The following GLI3 variants were observed in gnomAD, a reference collection of about 807,000 sequenced individuals.
The protein encoded by GLI3 is GLI family zinc finger 3.
Under a neutral mutation model 100.8 loss-of-function variants are expected in GLI3, and 20 were observed. The ratio of observed to expected loss-of-function variants is 0.20; its 90% CI spans 0.14 to 0.29. The LOEUF (loss-of-function observed/expected upper bound fraction) is 0.29. Ranked by LOEUF, GLI3 falls within the 10% of genes least tolerant of loss-of-function variation. GLI3 has a pLI of 1.00. For synonymous variants in GLI3, 938 were observed against 860.5 expected, an observed-to-expected ratio of 1.09 and a Z score of -1.58; for missense variants, 2,040 against 2,128.5, an observed-to-expected ratio of 0.96 and a Z score of 0.82.
rs115044000 is a variant in GLI3 at position 42,074,225 on chromosome 7, C to G, written c.473+2527G>C. Among the ~76,000 whole-genome samples, 462 of 152,334 alleles carry G rather than the reference C, an allele frequency of 3.0e-3. 5 individuals carry two copies. The highest frequency in any genetic ancestry group is 0.011 in the African/African-American group (438 of 41,578). On this transcript the variant is annotated intron_variant, in intron 4 of 14. Transcript: ENST00000395925. The stretch of plus-strand genomic sequence containing the variant: ...TCCCTGTGATCTGAAGAGGTGGGTA[C>G]AGCAGACAGCTTCATTTCCACGTTA...
intron 4 of GLI3, among the ~76,000 whole-genome samples, chr7:42,053,933 C>T (rs1307640033): frequency 6.6e-6 from 1 of 152,150 alleles, no homozygotes; most frequent in Admixed American, 6.5e-5. Context: ...GACTACAGGG[C>T]ACAGCTGGGA....
chr7:42,090,171 C>T (rs1785187643), intron 3 of GLI3, among the ~76,000 whole-genome samples: 1 of 152,098 alleles, frequency 6.6e-6, no homozygotes, highest in Non-Finnish European at 1.5e-5. Context: ...GAGCACTTAC[C>T]ATTAATGGAG....
At chr7:42,170,691 C>T (rs1787354887) in intron 2 of GLI3, among the ~76,000 whole-genome samples, 1 of 152,108 alleles carries the variant, frequency 6.6e-6, no homozygotes, top group Admixed American at 6.5e-5. Flanking sequence ...TGTGAGCCAC[C>T]ACGTCTGGCC....
chr7:42,136,305 G>A (rs1224292870), intron 3 of GLI3, among the ~76,000 whole-genome samples: 1 of 152,190 alleles, frequency 6.6e-6, no homozygotes, highest in Non-Finnish European at 1.5e-5. Flanking sequence ...GAAAAGGAAT[G>A]CACGTAGGCC....
At chr7:42,150,344 A>G (rs1236060008) in intron 2 of GLI3, among the ~76,000 whole-genome samples, 8 of 152,230 alleles carry the variant, frequency 5.3e-5, no homozygotes, top group African/African-American at 1.7e-4. Flanking sequence ...TTTAGGCAGT[A>G]GGTCACCCTT....
intron 1 of GLI3, among the ~76,000 whole-genome samples, chr7:42,249,563 C>T (rs1639574267): frequency 6.6e-6 from 1 of 152,128 alleles, no homozygotes; most frequent in African/African-American, 2.4e-5. Context: ...GAGGTTGTGA[C>T]TTAACTTTTC....
At chr7:42,002,773 T>G (rs181242592) in intron 10 of GLI3, among the ~76,000 whole-genome samples, 5 of 152,338 alleles carry the variant, frequency 3.3e-5, no homozygotes, top group Admixed American at 3.3e-4. Flanking sequence ...TTGGCACAGT[T>G]TGTAAGAAGC....
At chr7:42,159,217 G>C (rs1787076054) in intron 2 of GLI3, among the ~76,000 whole-genome samples, 2 of 152,164 alleles carry the variant, frequency 1.3e-5, no homozygotes, top group Admixed American at 1.3e-4. Context: ...TTTGGCTTGT[G>C]CTTAACTTAA....
chr7:41,968,084 A>T (rs1173434160), intron 13 of GLI3, among the ~76,000 whole-genome samples, 161 bp from the exon 14 acceptor site: 2 of 152,240 alleles, frequency 1.3e-5, no homozygotes, highest in Non-Finnish European at 2.9e-5. Context: ...ACTTTTGGCC[A>T]GAATGACGGA....
intron 2 of GLI3, among the ~76,000 whole-genome samples, chr7:42,175,816 C>T (rs887529113): frequency 6.6e-6 from 1 of 152,042 alleles, no homozygotes. Flanking sequence ...TGTACAAAAC[C>T]CTTTATCTCT....
intron 3 of GLI3, among the ~76,000 whole-genome samples, chr7:42,105,308 C>T (rs182259665): frequency 9.1e-4 from 139 of 152,150 alleles, no homozygotes; most frequent in African/African-American, 3.2e-3. Context: ...ATAATTTACA[C>T]CCAGATTTGG....
At chr7:42,203,573 G>A (rs934828044) in intron 2 of GLI3, among the ~76,000 whole-genome samples, 1 of 152,086 alleles carries the variant, frequency 6.6e-6, no homozygotes, top group Non-Finnish European at 1.5e-5. Flanking sequence ...TCTTTTTAAT[G>A]GCTGCATAGT....
intron 2 of GLI3, 147 bp downstream of exon 2, chr7:42,222,983 G>C: frequency 1.2e-6 from 1 of 843,816 alleles, no homozygotes; most frequent in Non-Finnish European, 2.0e-6. Flanking sequence ...ATGTCCCCCC[G>C]CCGTCCCCCC....
intron 10 of GLI3, among the ~76,000 whole-genome samples, chr7:42,021,779 C>T (rs1435471726): frequency 6.6e-6 from 1 of 152,224 alleles, no homozygotes; most frequent in Admixed American, 6.5e-5. Flanking sequence ...AACCAAGACA[C>T]CCTGCCAACA....
At chr7:42,227,949 G>T (rs993120711) in intron 1 of GLI3, among the ~76,000 whole-genome samples, 35 of 152,166 alleles carry the variant, frequency 2.3e-4, no homozygotes, top group Admixed American at 1.2e-3. Context: ...TTGAAAGCTC[G>T]CTCTTTCTCT....
intron 3 of GLI3, 63 bp from the exon 4 acceptor site, chr7:42,076,920 C>T (rs1388405272): frequency 3.2e-6 from 3 of 947,698 alleles, no homozygotes; most frequent in Non-Finnish European, 5.2e-6. Context: ...TTCCGATTCA[C>T]AAAGCAACAT....
At chr7:42,019,866 A>C (rs913526190) in intron 10 of GLI3, among the ~76,000 whole-genome samples, 6 of 152,158 alleles carry the variant, frequency 3.9e-5, no homozygotes, top group African/African-American at 1.4e-4. Flanking sequence ...AACCGACACC[A>C]AGAAAGGGAT....
intron 3 of GLI3, among the ~76,000 whole-genome samples, chr7:42,095,979 C>T (rs902027359): frequency 6.6e-6 from 1 of 152,152 alleles, no homozygotes; most frequent in African/African-American, 2.4e-5. Context: ...ATAGGAGAGA[C>T]ACAGGACAAC....
At chr7:42,096,905 A>C (rs1785350233) in intron 3 of GLI3, among the ~76,000 whole-genome samples, 1 of 152,224 alleles carries the variant, frequency 6.6e-6, no homozygotes, top group African/African-American at 2.4e-5. Flanking sequence ...GCTGTGCTGC[A>C]GTGGCCAGGC....
Sources: gnomAD v4.1 joint callset for allele counts (sites outside exome capture counted in the v4.1 genomes callset) on GRCh38, gnomAD v4.1.1 for gene constraint, MANE v1.5 for transcripts, NCBI Gene and HGNC (gene_info 2026-07-23, HGNC 2026-07-21) for gene names.